Variants in TARS3 observed in about 807,000 individuals in gnomAD.
The protein encoded by TARS3 is threonine--tRNA ligase 2, cytoplasmic.
In TARS3, 94 loss-of-function variants were observed where a neutral mutation model predicts 103.5. The ratio of observed to expected loss-of-function variants is 0.91; its 90% CI spans 0.77 to 1.08. The LOEUF is 1.08. Among genes scored for constraint, TARS3 ranks in the 50% least tolerant of loss-of-function variants. The pLI is 0.00. For synonymous variants in TARS3, 416 were observed against 355.4 expected, an observed-to-expected ratio of 1.17 and a Z score of -1.92; for missense variants, 952 against 995.2, an observed-to-expected ratio of 0.96 and a Z score of 0.58.
rs79368080 is a variant in TARS3, at chr15:101,713,838, A to C, written c.690+1002T>G. On this transcript the variant is annotated intron_variant, in intron 4 of 18. Transcript: ENST00000335968. ...GGCTAGCTATGGCTGGAGAGTTGTG[A>C]ATTCAGTCTACAGTACTGAACTTTC... Among the ~76,000 whole-genome samples, 695 of 152,332 alleles carry C rather than the reference A, an allele frequency of 4.6e-3. 38 individuals carry two copies. The East Asian group carries it at 0.12, about 27-fold the overall frequency.
chr15:101,690,082 C>A (rs1032536463), intron 10 of TARS3, among the ~76,000 whole-genome samples: 1 of 152,180 alleles, frequency 6.6e-6, no homozygotes, highest in Non-Finnish European at 1.5e-5. Context: ...ATCGGCTGAT[C>A]GGAGTTTGTG....
chr15:101,696,478 A>T (rs1206382964), intron 10 of TARS3, among the ~76,000 whole-genome samples: 6 of 152,170 alleles, frequency 3.9e-5, no homozygotes, highest in Non-Finnish European at 7.3e-5. Context: ...CAGGAGCCTA[A>T]AATTTGGAAC....
chr15:101,666,609 A>T (rs1439488571), intron 15 of TARS3, among the ~76,000 whole-genome samples: 2 of 152,116 alleles, frequency 1.3e-5, no homozygotes, highest in Non-Finnish European at 2.9e-5. Flanking sequence ...ATAACTATCA[A>T]CCCAGAATTG....
At chr15:101,670,280 G>T (rs533975615) in intron 15 of TARS3, among the ~76,000 whole-genome samples, 1 of 152,136 alleles carries the variant, frequency 6.6e-6, no homozygotes, top group African/African-American at 2.4e-5. Context: ...TCCTCCAAGG[G>T]CTAGTATCTA....
intron 15 of TARS3, among the ~76,000 whole-genome samples, chr15:101,669,934 G>T (rs971214426): frequency 6.6e-6 from 1 of 152,226 alleles, no homozygotes; most frequent in African/African-American, 2.4e-5. Flanking sequence ...TGGTGAAATA[G>T]TGGCCTGTTC....
intron 16 of TARS3, among the ~76,000 whole-genome samples, chr15:101,660,599 T>C (rs1398404333): frequency 6.6e-6 from 1 of 152,246 alleles, no homozygotes; most frequent in Non-Finnish European, 1.5e-5. Flanking sequence ...GCATTGCTCC[T>C]TACATGATGA....
intron 13 of TARS3, among the ~76,000 whole-genome samples, chr15:101,674,533 A>G (rs192497900): frequency 2.4e-4 from 36 of 152,300 alleles, no homozygotes; most frequent in Non-Finnish European, 4.9e-4. Flanking sequence ...TGCTTAGTTA[A>G]GAAAAGAAAG....
At chr15:101,668,976 C>A (rs1466064191) in intron 15 of TARS3, among the ~76,000 whole-genome samples, 1 of 152,094 alleles carries the variant, frequency 6.6e-6, no homozygotes, top group Non-Finnish European at 1.5e-5. Flanking sequence ...AAGGTGTATT[C>A]TTTCACTTAC....
intron 10 of TARS3, among the ~76,000 whole-genome samples, chr15:101,690,452 G>T (rs1596307652): frequency 6.6e-6 from 1 of 152,258 alleles, no homozygotes; most frequent in Non-Finnish European, 1.5e-5. Flanking sequence ...TAATGCTAAT[G>T]GCCTGCTGTT....
rs1435917983 is a variant in TARS3 at position 101,654,660 on chromosome 15, C to G, written c.2331G>C (p.Glu777Asp). ...TATCAATGGCAGAAGTTACTAAAATCTCTCCATGAATTTTGTTGTCTCTTG... is the reference window on the plus strand; with the variant it reads ...TATCAATGGCAGAAGTTACTAAAATGTCTCCATGAATTTTGTTGTCTCTTG... ...VRTRDNKIHG[E>D]ILVTSAIDKL... The change falls in exon 19 of 19, where the codon GAG (glutamate) becomes GAC (aspartate). Residue 777 changes from glutamate to aspartate, a missense_variant. Physicochemically the swap from Glu to Asp is conservative, Grantham distance 45. This residue lies in a region of TARS3 where 540 missense variants were observed against 631.0 expected (regional missense o/e 0.86). Coordinates refer to ENST00000335968, the MANE Select transcript of TARS3 (RefSeq NM_152334.3). 8.1e-6 allele frequency: 13 copies of G among 1,614,020 alleles called. No individual in the cohort carries two copies. Among genetic ancestry groups the G allele is most frequent in the Admixed American group, 1.7e-5 (1 of 60,004 alleles).
intron 15 of TARS3, among the ~76,000 whole-genome samples, chr15:101,669,976 C>A (rs779000246): frequency 6.6e-6 from 1 of 152,214 alleles, no homozygotes. Flanking sequence ...TAATGAGACA[C>A]TTAGATGCAA....
At chr15:101,686,680 A>C (rs1898490501) in intron 10 of TARS3, among the ~76,000 whole-genome samples, 1 of 152,144 alleles carries the variant, frequency 6.6e-6, no homozygotes, top group African/African-American at 2.4e-5. Flanking sequence ...TGTTGGGTAA[A>C]TATTTTATGT....
At chr15:101,670,146 G>GA (rs1455733481) in intron 15 of TARS3, among the ~76,000 whole-genome samples, 1 of 151,844 alleles carries the variant, frequency 6.6e-6, no homozygotes, top group African/African-American at 2.4e-5. Flanking sequence ...ATCCATAAAA[G>GA]AAAAAAATGG....
In TARS3 at chr15:101,685,966, C is replaced by G; in HGVS notation, c.1417G>C (p.Glu473Gln). Residue 473 changes from glutamate to glutamine, a missense_variant, in exon 11 of 19, where the codon GAG becomes CAG. Physicochemically the swap from Glu to Gln is conservative, Grantham distance 29. Coordinates refer to ENST00000335968, the MANE Select transcript of TARS3 (RefSeq NM_152334.3). Reference protein sequence around the residue: ...EASGHWQHYSENMFTFEIEKD... With the variant: ...EASGHWQHYSQNMFTFEIEKD... ...TCAATCTCAAAGGTAAACATGTTCT[C>G]GCTGTAATGCTGCCAGTGGCCTGAG... 6.2e-7 allele frequency: 1 copy of G among 1,614,066 alleles called. No individual in the cohort carries two copies. The highest frequency in any genetic ancestry group is 2.2e-5 in the East Asian group (1 of 44,878).
intron 18 of TARS3, among the ~76,000 whole-genome samples, chr15:101,655,671 C>T (rs1228879396): frequency 6.8e-6 from 1 of 148,052 alleles, no homozygotes; most frequent in African/African-American, 2.6e-5. Context: ...CTCTTACAGA[C>T]TCACAGTGAC....
At chr15:101,670,032 C>A (rs1443024167) in intron 15 of TARS3, among the ~76,000 whole-genome samples, 1 of 152,198 alleles carries the variant, frequency 6.6e-6, no homozygotes, top group Non-Finnish European at 1.5e-5. Context: ...AAACAATGAA[C>A]TCACATCAGA....
chr15:101,673,164 C>T (rs1416526506), intron 13 of TARS3, among the ~76,000 whole-genome samples: 1 of 152,198 alleles, frequency 6.6e-6, no homozygotes, highest in African/African-American at 2.4e-5. Context: ...AGAAATATCT[C>T]AAAAGTGGAA....
chr15:101,720,760 T>C lies in TARS3; in HGVS notation c.566+366A>G, dbSNP rs1183774154. 2.6e-5 allele frequency among the ~76,000 whole-genome samples: 4 copies of C among 152,202 alleles called. No homozygotes were observed. In the East Asian group the frequency reaches 7.7e-4, roughly 29 times the overall value. On this transcript the variant is annotated intron_variant, in intron 3 of 18. Coordinates refer to ENST00000335968, the MANE Select transcript of TARS3 (RefSeq NM_152334.3). ...TTTGTGGAAGGGACCCAGTGGGAGGTAACTGAATCACAGGGGCTGTTACCT... is the reference window on the plus strand; with the variant it reads ...TTTGTGGAAGGGACCCAGTGGGAGGCAACTGAATCACAGGGGCTGTTACCT...
chr15:101,681,374 A>G (rs2141403081), intron 12 of TARS3, among the ~76,000 whole-genome samples: 1 of 152,358 alleles, frequency 6.6e-6, no homozygotes, highest in South Asian at 2.1e-4. Context: ...GGGATAACTG[A>G]TATTTTAATA....
Sources: allele counts gnomAD v4.1 joint callset (sites outside exome capture counted in the v4.1 genomes callset), GRCh38; gene constraint gnomAD v4.1.1; regional missense constraint gnomAD v4.1.1; transcripts MANE v1.5; gene names NCBI Gene and HGNC (gene_info 2026-07-23, HGNC 2026-07-21).